B9D1: variants seen among roughly 807,000 people sequenced by gnomAD.
B9D1 encodes B9 domain containing 1.
In B9D1, 20 loss-of-function variants were observed where a neutral mutation model predicts 26.1. The observed-to-expected ratio is 0.77, with a 90% CI of 0.54 to 1.12. The LOEUF is 1.12. B9D1 is among the 50% of genes most tolerant of loss of function. The pLI, the probability that B9D1 is intolerant of heterozygous loss-of-function variation, is 0.00. For synonymous variants in B9D1, 105 were observed against 103.1 expected, an observed-to-expected ratio of 1.02 and a Z score of -0.11; for missense variants, 260 against 273.7, an observed-to-expected ratio of 0.95 and a Z score of 0.35.
At chr17:19,341,315 G>GAGCTGTGAT, downstream of B9D1, 1 of 1,231,936 alleles carries the variant, frequency 8.1e-7, no homozygotes, top group South Asian at 4.1e-5. Flanking sequence ...GCTTTCCGGG[G>GAGCTGTGAT]AGCTGTGATA....
At chr17:19,339,991 G>A (rs994545900), downstream of B9D1, among the ~76,000 whole-genome samples, 2 of 147,862 alleles carry the variant, frequency 1.4e-5, no homozygotes, top group African/African-American at 5.0e-5. Context: ...CCTGCAGGCC[G>A]TATGCCTCGA....
At chr17:19,363,613 G>A (rs1235095923), upstream of B9D1, 1 of 152,240 alleles carries the variant, frequency 6.6e-6, no homozygotes, top group Non-Finnish European at 1.5e-5. Flanking sequence ...TGTTGGCAGA[G>A]GTGTCAAAGG....
chr17:19,353,264 G>A (rs376006471), intron 3 of B9D1, among the ~76,000 whole-genome samples: 136 of 151,914 alleles, frequency 9.0e-4, no homozygotes, highest in African/African-American at 3.1e-3. Context: ...ATGAGCCACC[G>A]TACCCAGCCA....
chr17:19,347,369 A>G lies in B9D1; in HGVS notation c.342-38T>C, dbSNP rs760612009. 6.2e-7 allele frequency: 1 copy of G among 1,611,510 alleles called. No individual in the cohort carries two copies. The highest frequency in any genetic ancestry group is 1.7e-5 in the Admixed American group (1 of 60,016). ...TTTTTGCAGACAGAGATGCTGAGTA[A>G]GAGACCTTTCTGAGCCTCCAGGGAG... On this transcript the variant is annotated intron_variant, in intron 4 of 6. Coordinates refer to ENST00000261499, the MANE Select transcript of B9D1 (RefSeq NM_015681.6). The surrounding 1 kb of genome is among the most constrained non-coding windows in gnomAD (Gnocchi z 4.3).
At chr17:19,376,931 G>C (rs1238371836) in intron 1 of B9D1, among the ~76,000 whole-genome samples, 1 of 152,150 alleles carries the variant, frequency 6.6e-6, no homozygotes, top group Non-Finnish European at 1.5e-5. Flanking sequence ...CTGCCAATCA[G>C]GATATGTTTA....
chr17:19,346,882 A>G, intron 5 of B9D1: 1 of 1,407,840 alleles, frequency 7.1e-7, no homozygotes, highest in Non-Finnish European at 9.3e-7. Context: ...AGCTCCGGCC[A>G]GAGACTCCCA....
At chr17:19,362,761 G>T (rs962392142), upstream of B9D1, 1 of 1,492,316 alleles carries the variant, frequency 6.7e-7, no homozygotes, top group Non-Finnish European at 9.0e-7. Context: ...AAGGGGGCGG[G>T]GCACAAGGGG....
upstream of B9D1, among the ~76,000 whole-genome samples, chr17:19,363,448 A>G (rs958851493): frequency 1.3e-5 from 2 of 151,806 alleles, no homozygotes; most frequent in South Asian, 4.1e-4. Flanking sequence ...CTTGTTGATA[A>G]ATGAATAATT....
intron 3 of B9D1, among the ~76,000 whole-genome samples, chr17:19,357,362 A>T (rs1910483733): frequency 6.6e-6 from 1 of 152,218 alleles, no homozygotes; most frequent in African/African-American, 2.4e-5. Context: ...AGCCCTTGGG[A>T]AAGAGGTTAG....
intron 3 of B9D1, among the ~76,000 whole-genome samples, chr17:19,349,150 C>T (rs1036975020): frequency 2.0e-5 from 3 of 152,314 alleles, no homozygotes; most frequent in Middle Eastern, 3.4e-3. Context: ...CTCCTCTGTA[C>T]CTCACGAAAA....
intron 1 of B9D1, among the ~76,000 whole-genome samples, chr17:19,377,258 C>T (rs544194047): frequency 6.6e-6 from 1 of 152,190 alleles, no homozygotes; most frequent in Non-Finnish European, 1.5e-5. Flanking sequence ...CTTTTAGGGG[C>T]GATGAAAATG....
chr17:19,345,093 C>A (rs1598051013), intron 5 of B9D1, among the ~76,000 whole-genome samples: 1 of 152,330 alleles, frequency 6.6e-6, no homozygotes, highest in East Asian at 1.9e-4. Context: ...TGGGGTCCAC[C>A]CGGGTGGTCT....
intron 3 of B9D1, among the ~76,000 whole-genome samples, chr17:19,350,027 G>A (rs1909377868): frequency 6.6e-6 from 1 of 151,826 alleles, no homozygotes; most frequent in African/African-American, 2.4e-5. Flanking sequence ...CAGGAGAATG[G>A]CGTGAACCCG....
chr17:19,371,970 G>A (rs1911916453), intron 1 of B9D1: 1 of 152,240 alleles, frequency 6.6e-6, no homozygotes, highest in Non-Finnish European at 1.5e-5. Context: ...AGAGCTGTGT[G>A]TGTGTAAAGA....
At chr17:19,352,137 C>T (rs1909686483) in intron 3 of B9D1, among the ~76,000 whole-genome samples, 1 of 152,138 alleles carries the variant, frequency 6.6e-6, no homozygotes, top group Non-Finnish European at 1.5e-5. Context: ...CCTACCGCCT[C>T]AGCCTCCCAA....
chr17:19,338,927 T>A (rs1402254694), downstream of B9D1, among the ~76,000 whole-genome samples: 1 of 152,196 alleles, frequency 6.6e-6, no homozygotes, highest in Non-Finnish European at 1.5e-5. Context: ...GGTAATTTGT[T>A]ACACAGCAAT....
downstream of B9D1, among the ~76,000 whole-genome samples, chr17:19,337,161 A>C (rs934111083): frequency 3.3e-5 from 5 of 152,128 alleles, no homozygotes; most frequent in Non-Finnish European, 5.9e-5. Flanking sequence ...AGAGGGAGGG[A>C]GTGCGTGGAG....
At chr17:19,363,001 CGA>C (rs1911339006), upstream of B9D1, 1 of 264,934 alleles carries the variant, frequency 3.8e-6, no homozygotes, top group South Asian at 3.4e-5. Flanking sequence ...CTCAGCAAGC[CGA>C]GTGTTTAAAA....
Position 19,359,556 on chromosome 17 carries a change from C to T in B9D1, c.132+764G>A, listed in dbSNP as rs1372906420. 6.6e-6 allele frequency among the ~76,000 whole-genome samples: 1 copy of T among 152,212 alleles called. No homozygotes were observed. Among genetic ancestry groups the T allele is most frequent in the Non-Finnish European group, 1.5e-5 (1 of 68,026 alleles). The stretch of plus-strand genomic sequence containing the variant: ...TCGCAGCCTCCTTCTCATCACTCAT[C>T]CCTGTCACTTCCTGGCTTGGTCTCC... On this transcript the variant is annotated intron_variant, in intron 2 of 6. Transcript: ENST00000261499. This position sits in a 1 kb window ranked among gnomAD's most constrained non-coding sequence, Gnocchi z 5.0.
Sources: allele counts gnomAD v4.1 joint callset (sites outside exome capture counted in the v4.1 genomes callset), GRCh38; gene constraint gnomAD v4.1.1; non-coding constraint Gnocchi (gnomAD v3.1); transcripts MANE v1.5; gene names NCBI Gene and HGNC (gene_info 2026-07-23, HGNC 2026-07-21).